Variants in UBE2O observed in about 807,000 individuals in gnomAD.
The protein encoded by UBE2O is (E3-independent) E2 ubiquitin-conjugating enzyme.
In UBE2O, 15 loss-of-function variants were observed where a neutral mutation model predicts 125.8. The ratio of observed to expected loss-of-function variants is 0.12; its 90% confidence interval spans 0.08 to 0.18. The LOEUF (loss-of-function observed/expected upper bound fraction) is 0.18. Among genes scored for constraint, UBE2O ranks in the 10% least tolerant of loss-of-function variants. UBE2O has a pLI of 1.00. For missense variants in UBE2O, 1,280 were observed against 1,723.6 expected (o/e 0.74, Z 4.56); for synonymous variants, 708 against 703.2 (o/e 1.01, Z -0.11).
chr17:76,445,153 T>G (rs2073131988), intron 1 of UBE2O, among the ~76,000 whole-genome samples: 1 of 152,130 alleles, frequency 6.6e-6, no homozygotes, highest in African/African-American at 2.4e-5. Flanking sequence ...TAAGGGTGCC[T>G]GCAGGAAATC....
At position 76,405,532 on chromosome 17, in the gene UBE2O, A is replaced by C; in HGVS notation, c.458T>G (p.Val153Gly). ...EDRSVVPRDV[V>G]RHMRSTDSQC... ...ACTCACGGTGGATCGCATGTGCCGG[A>C]CCACATCTCGGGGCACCACAGAACG... Residue 153 changes from valine to glycine, a missense_variant, in exon 2 of 18, where the codon GTC becomes GGC. This residue lies in a region of UBE2O where 206 missense variants were observed against 315.7 expected (regional missense o/e 0.65). Transcript: ENST00000319380. This position sits in a 1 kb window ranked among gnomAD's most constrained non-coding sequence, Gnocchi z 6.1. The C allele has an allele frequency of 6.3e-7, 1 of 1,599,112 alleles. No individual in the cohort carries two copies. The highest frequency in any genetic ancestry group is 1.3e-5 in the African/African-American group (1 of 74,912).
Position 76,402,022 on chromosome 17 carries a change from G to A in UBE2O, c.750+42C>T. 11 of 1,603,592 alleles carry A rather than the reference G, an allele frequency of 6.9e-6. No homozygotes were observed. The highest frequency in any genetic ancestry group is 9.4e-6 in the Non-Finnish European group (11 of 1,173,792). ...TACGAAGTCCTCCTTCCAGAGGACT[G>A]AGCAATCAGAGAAGGGTGCTGGCCT... On this transcript the variant is annotated intron_variant, in intron 5 of 17. Transcript: ENST00000319380. This position sits in a 1 kb window ranked among gnomAD's most constrained non-coding sequence, Gnocchi z 5.4.
chr17:76,413,451 A>T (rs1330637868), intron 1 of UBE2O, among the ~76,000 whole-genome samples: 1 of 152,220 alleles, frequency 6.6e-6, no homozygotes, highest in Non-Finnish European at 1.5e-5. Flanking sequence ...CACTGGACAA[A>T]AAAAAACCTG....
intron 1 of UBE2O, among the ~76,000 whole-genome samples, chr17:76,437,694 C>T (rs939653259): frequency 5.3e-5 from 8 of 152,120 alleles, no homozygotes; most frequent in African/African-American, 1.9e-4. Flanking sequence ...GCTTGGATTA[C>T]AGGCACGTGC....
intron 1 of UBE2O, among the ~76,000 whole-genome samples, chr17:76,446,129 G>A (rs1403423821): frequency 1.3e-5 from 2 of 152,198 alleles, no homozygotes; most frequent in Non-Finnish European, 2.9e-5. Flanking sequence ...TCGCCATCCA[G>A]AAGCAGGCTA....
At chr17:76,429,323 C>T (rs1379156767) in intron 1 of UBE2O, among the ~76,000 whole-genome samples, 1 of 151,828 alleles carries the variant, frequency 6.6e-6, no homozygotes, top group African/African-American at 2.4e-5. Context: ...GGGCAGATCA[C>T]TTGAGCTCAG....
In UBE2O at chr17:76,402,750, T is replaced by C. The variant is rs761999992; in HGVS notation, c.589-51A>G. The C allele has an allele frequency of 1.4e-6, 2 of 1,469,834 alleles. No individual in the cohort carries two copies. The highest frequency in any genetic ancestry group is 3.3e-5 in the Admixed American group (2 of 59,838). The allele number at this position is 1,469,834 out of a possible 1,614,324, so 91.0% of individuals were successfully genotyped here. ...TGAGACACAGCAGACAACGTTCATG[T>C]CCAGGGCACAGATTCCTCTATGCCC... is the stretch of plus-strand genomic sequence containing the variant. On this transcript the variant is annotated intron_variant, in intron 3 of 17. Coordinates refer to ENST00000319380, the MANE Select transcript of UBE2O (RefSeq NM_022066.4). The surrounding 1 kb of genome is among the most constrained non-coding windows in gnomAD (Gnocchi z 5.4).
intron 1 of UBE2O, among the ~76,000 whole-genome samples, chr17:76,407,436 T>C (rs1157669341): frequency 6.6e-6 from 1 of 152,190 alleles, no homozygotes; most frequent in Non-Finnish European, 1.5e-5. Context: ...CCTGCTCCCA[T>C]TTTAGACTTC....
At chr17:76,403,567 C>A (rs570918422) in intron 3 of UBE2O, among the ~76,000 whole-genome samples, 1 of 152,046 alleles carries the variant, frequency 6.6e-6, no homozygotes, top group African/African-American at 2.4e-5. Context: ...CCACTGCGCC[C>A]GTGAACTCTG....
intron 1 of UBE2O, among the ~76,000 whole-genome samples, chr17:76,426,462 T>C (rs73996375): frequency 0.025 from 3,757 of 152,348 alleles, 79 homozygotes; most frequent in African/African-American, 0.055. Flanking sequence ...TTATTTCTAC[T>C]ACCTTTAGGG....
At chr17:76,416,342 C>A (rs921203815) in intron 1 of UBE2O, among the ~76,000 whole-genome samples, 2 of 152,142 alleles carry the variant, frequency 1.3e-5, no homozygotes, top group African/African-American at 4.8e-5. Context: ...CAGGCCCCAT[C>A]CCAGACCTGC....
At chr17:76,429,193 T>A (rs1198901306) in intron 1 of UBE2O, among the ~76,000 whole-genome samples, 2 of 151,344 alleles carry the variant, frequency 1.3e-5, no homozygotes, top group East Asian at 4.0e-4. Context: ...AGCCACCGCG[T>A]CCAGCCAGCC....
intron 5 of UBE2O, 23 bp from the exon 6 acceptor site, chr17:76,401,177 A>G: frequency 5.0e-6 from 8 of 1,611,412 alleles, no homozygotes; most frequent in Non-Finnish European, 5.1e-6. Context: ...GGGCCAAAGG[A>G]AAGTCCCCGT....
At chr17:76,397,982 C>A in intron 12 of UBE2O, 94 bp from the exon 13 acceptor site, 1 of 1,392,758 alleles carries the variant, frequency 7.2e-7, no homozygotes, top group South Asian at 1.2e-5. Context: ...TCATGCCCAC[C>A]TGGCTTGTGA....
At chr17:76,394,389 C>T (rs1406683757) in intron 15 of UBE2O, among the ~76,000 whole-genome samples, 1 of 152,192 alleles carries the variant, frequency 6.6e-6, no homozygotes, top group Non-Finnish European at 1.5e-5. Flanking sequence ...AGCGCTGCCT[C>T]AGTAAACATG....
At chr17:76,430,643 G>T in intron 1 of UBE2O, 1 of 335,780 alleles carries the variant, frequency 3.0e-6, no homozygotes, top group South Asian at 2.4e-5. Context: ...GCTTCTTATT[G>T]ATTTTGCCAC....
chr17:76,400,673 T>G lies in UBE2O; in HGVS notation c.895-123A>C. 1.5e-6 allele frequency: 1 copy of G among 677,352 alleles called. No individual in the cohort carries two copies. The highest frequency in any genetic ancestry group is 2.5e-6 in the Non-Finnish European group (1 of 401,244). The allele number at this position is 677,352 out of a possible 1,614,324, so 42.0% of individuals were successfully genotyped here. A position where few individuals can be genotyped will look rare whatever the true frequency, so the allele number is the denominator to read the frequency against. ...CTGATCTTCCTAGTGCAGCACCAAG[T>G]ACAGACACATCAGAGCAGGCCCCAA... On this transcript the variant is annotated intron_variant, in intron 6 of 17. Coordinates refer to ENST00000319380, the MANE Select transcript of UBE2O (RefSeq NM_022066.4). This position sits in a 1 kb window ranked among gnomAD's most constrained non-coding sequence, Gnocchi z 4.3.
At chr17:76,417,101 T>C (rs572848696) in intron 1 of UBE2O, among the ~76,000 whole-genome samples, 17 of 152,364 alleles carry the variant, frequency 1.1e-4, no homozygotes, top group African/African-American at 3.8e-4. Context: ...TGGGCAACAC[T>C]GAGCTGAATG....
Position 76,395,910 on chromosome 17 carries a change from C to T in UBE2O, c.2810-49G>A. Reference sequence around the variant, plus strand: ...AGTCCCTCATGGAGAGGCCCTGGAGCTCCATCTGCCAACCTGGCTGGACAG... The same window carrying T: ...AGTCCCTCATGGAGAGGCCCTGGAGTTCCATCTGCCAACCTGGCTGGACAG... On this transcript the variant is annotated intron_variant, in intron 14 of 17. Transcript: ENST00000319380. This position sits in a 1 kb window ranked among gnomAD's most constrained non-coding sequence, Gnocchi z 5.0. The T allele has an allele frequency of 6.2e-7, 1 of 1,610,360 alleles. No homozygotes were observed. Among genetic ancestry groups the T allele is most frequent in the Non-Finnish European group, 8.5e-7 (1 of 1,179,272 alleles).
Sources: gnomAD v4.1 joint callset for allele counts (sites outside exome capture counted in the v4.1 genomes callset) on GRCh38, gnomAD v4.1.1 for gene constraint, gnomAD v4.1.1 regional missense constraint, Gnocchi (gnomAD v3.1) non-coding constraint, MANE v1.5 for transcripts, NCBI Gene and HGNC (gene_info 2026-07-23, HGNC 2026-07-21) for gene names.